Variants in STXBP5L observed in about 807,000 individuals in gnomAD.
STXBP5L encodes syntaxin binding protein 5L.
In STXBP5L, 65 loss-of-function variants were observed where a neutral mutation model predicts 144.5. That is an observed-to-expected ratio of 0.45 (90% confidence interval 0.37 to 0.55). The LOEUF (loss-of-function observed/expected upper bound fraction) is 0.55, where lower values mean the gene tolerates loss of function less well. Among genes scored for constraint, STXBP5L ranks in the 20% least tolerant of loss-of-function variants. The pLI, the probability that STXBP5L is intolerant of heterozygous loss-of-function variation, is 0.00. For missense variants in STXBP5L, 1,298 were observed against 1,405.5 expected, an observed-to-expected ratio of 0.92 and a Z score of 1.22; for synonymous variants, 505 against 469.6, an observed-to-expected ratio of 1.08 and a Z score of -0.97.
At position 120,983,773 on chromosome 3, in the gene STXBP5L, T is replaced by C. The variant is rs1425421500; in HGVS notation, c.287+28736T>C. 2.0e-5 allele frequency among the ~76,000 whole-genome samples: 3 copies of C among 152,214 alleles called. No homozygotes were observed. In the East Asian group the frequency reaches 5.8e-4, roughly 29 times the overall value. On this transcript the variant is annotated intron_variant, in intron 3 of 26. Transcript: ENST00000471454. ...TCACACCTATCCCAGCCCAGTAGGC[T>C]GCTTGGATTCATTCTTATTTGCTTT...
At chr3:121,031,254 G>T (rs1256943313) in intron 3 of STXBP5L, among the ~76,000 whole-genome samples, 3 of 152,032 alleles carry the variant, frequency 2.0e-5, no homozygotes, top group Admixed American at 6.6e-5. Context: ...TGGAAAATAG[G>T]TTGGAAGCAA....
intron 2 of STXBP5L, among the ~76,000 whole-genome samples, chr3:120,939,620 C>A (rs1288356065): frequency 1.3e-5 from 2 of 151,982 alleles, no homozygotes; most frequent in Admixed American, 1.3e-4. Context: ...GGGAATCAGA[C>A]GAAAGCAACA....
At chr3:121,189,200 T>C (rs1407946288) in intron 9 of STXBP5L, among the ~76,000 whole-genome samples, 7 of 152,248 alleles carry the variant, frequency 4.6e-5, no homozygotes, top group African/African-American at 1.7e-4. Flanking sequence ...CAGTTTCTTT[T>C]GCTGTGCAGA....
At chr3:121,304,713 A>T (rs2043279662) in intron 19 of STXBP5L, among the ~76,000 whole-genome samples, 1 of 152,120 alleles carries the variant, frequency 6.6e-6, no homozygotes, top group African/African-American at 2.4e-5. Context: ...TTACTGAAGG[A>T]GTGCTTAGAG....
At chr3:121,053,023 G>A (rs1485079070) in intron 5 of STXBP5L, among the ~76,000 whole-genome samples, 4 of 152,178 alleles carry the variant, frequency 2.6e-5, no homozygotes, top group African/African-American at 9.6e-5. Context: ...AAAATACCTT[G>A]GAATCCACCT....
chr3:121,050,028 C>T (rs1046375654), intron 5 of STXBP5L, among the ~76,000 whole-genome samples: 2 of 152,140 alleles, frequency 1.3e-5, no homozygotes, highest in African/African-American at 4.8e-5. Flanking sequence ...TGTGAGGACT[C>T]CTCTGGCTCC....
chr3:120,963,856 C>T (rs9692565), intron 3 of STXBP5L, among the ~76,000 whole-genome samples: 3 of 152,246 alleles, frequency 2.0e-5, no homozygotes, highest in East Asian at 1.9e-4. Flanking sequence ...GATACCAGCT[C>T]CTCTTAGTAC....
chr3:121,304,026 AT>A (rs201750969), intron 19 of STXBP5L, among the ~76,000 whole-genome samples: 17,177 of 125,994 alleles, frequency 0.14, 1,544 homozygotes, highest in Admixed American at 0.24. Flanking sequence ...CTTAAAGTAT[AT>A]AAAAAAAAAA....
intron 5 of STXBP5L, among the ~76,000 whole-genome samples, chr3:121,090,829 C>A (rs2042746185): frequency 6.6e-6 from 1 of 151,860 alleles, no homozygotes; most frequent in Admixed American, 6.6e-5. Flanking sequence ...GCACAACGTG[C>A]AGGTTAGTTA....
rs565659390 is a variant in STXBP5L, at chr3:121,266,341, C to T, written c.1958+7173C>T. 9.9e-5 allele frequency among the ~76,000 whole-genome samples: 15 copies of T among 152,284 alleles called. No individual in the cohort carries two copies. The South Asian group carries it at 1.4e-3, about 15-fold the overall frequency. On this transcript the variant is annotated intron_variant, in intron 18 of 26. Transcript: ENST00000471454. Reference sequence around the variant, plus strand: ...GCTTCAACATGTGCAAATCAATAAACGTAATCCATCACATAAACAGAACCA... The same window carrying T: ...GCTTCAACATGTGCAAATCAATAAATGTAATCCATCACATAAACAGAACCA...
chr3:121,407,734 A>G, intron 23 of STXBP5L, 131 bp downstream of exon 23: 1 of 1,295,824 alleles, frequency 7.7e-7, no homozygotes, highest in Non-Finnish European at 1.0e-6. Flanking sequence ...ATGTTTCTGG[A>G]TGTTTTATTG....
intron 3 of STXBP5L, among the ~76,000 whole-genome samples, chr3:120,970,920 C>G (rs1940175324): frequency 6.6e-6 from 1 of 152,076 alleles, no homozygotes; most frequent in African/African-American, 2.4e-5. Context: ...AACAACAGAA[C>G]TTAAATGCTG....
chr3:121,361,472 C>T lies in STXBP5L; in HGVS notation c.2177-17244C>T, dbSNP rs199667990. The stretch of plus-strand genomic sequence containing the variant: ...TCCAGATATTGTAGCATGCTTCATT[C>T]TTTTTTATTCTCTTTTCTTTTGTCT... On this transcript the variant is annotated intron_variant, in intron 20 of 26. Transcript: ENST00000471454. Among the ~76,000 whole-genome samples the T allele has an allele frequency of 5.3e-5, 8 of 152,018 alleles. No homozygotes were observed. The East Asian group carries it at 1.5e-3, about 29-fold the overall frequency.
At chr3:121,162,847 A>T (rs933478311) in intron 9 of STXBP5L, among the ~76,000 whole-genome samples, 37 of 152,254 alleles carry the variant, frequency 2.4e-4, no homozygotes, top group African/African-American at 8.9e-4. Context: ...GTCATTAGAG[A>T]AATGCAAATC....
intron 20 of STXBP5L, among the ~76,000 whole-genome samples, chr3:121,335,123 A>G (rs991080220): frequency 1.3e-5 from 2 of 152,218 alleles, no homozygotes; most frequent in African/African-American, 2.4e-5. Context: ...GGATACAAGA[A>G]TCAATGTACA....
chr3:121,095,139 T>G (rs1037873331), intron 5 of STXBP5L, among the ~76,000 whole-genome samples: 1 of 152,168 alleles, frequency 6.6e-6, no homozygotes, highest in Non-Finnish European at 1.5e-5. Flanking sequence ...GCTTGTAGAG[T>G]TTCTGCCGAG....
Position 121,255,029 on chromosome 3 carries a change from A to G in STXBP5L, c.1576A>G (p.Ser526Gly). The change falls in exon 16 of 27, where the codon AGC becomes GGC. Residue 526 changes from serine to glycine, a missense_variant. Coordinates refer to ENST00000471454, the MANE Select transcript of STXBP5L (RefSeq NM_001308330.2). ...TCAGATGATTTACTGGTGTCCAGAG[A>G]GCAGAATATTCTGTGTATCAGGAGT... ...AIQMIYWCPESRIFCVSGVSA... is the reference protein window; with the variant it reads ...AIQMIYWCPEGRIFCVSGVSA... The G allele has an allele frequency of 6.2e-7, 1 of 1,613,576 alleles. No homozygotes were observed. The highest frequency in any genetic ancestry group is 1.1e-5 in the South Asian group (1 of 91,042).
intron 20 of STXBP5L, among the ~76,000 whole-genome samples, chr3:121,346,716 T>G (rs2045004097): frequency 6.6e-6 from 1 of 152,230 alleles, no homozygotes; most frequent in Non-Finnish European, 1.5e-5. Context: ...TGATGAGCAT[T>G]TTTGTATGTG....
intron 9 of STXBP5L, among the ~76,000 whole-genome samples, chr3:121,191,974 A>G (rs1289527519): frequency 1.3e-5 from 2 of 152,132 alleles, no homozygotes; most frequent in African/African-American, 2.4e-5. Flanking sequence ...GAGGGATAGC[A>G]TTGGGAGATA....
Sources: allele counts gnomAD v4.1 joint callset (sites outside exome capture counted in the v4.1 genomes callset), GRCh38; gene constraint gnomAD v4.1.1; transcripts MANE v1.5; gene names NCBI Gene and HGNC (gene_info 2026-07-23, HGNC 2026-07-21).